FAM193A: variants seen among roughly 807,000 people sequenced by gnomAD.
FAM193A encodes protein FAM193A.
In FAM193A, 22 loss-of-function variants were observed where a neutral mutation model predicts 126.5. The ratio of observed to expected loss-of-function variants is 0.17; its 90% CI spans 0.12 to 0.25. FAM193A has a LOEUF of 0.25. FAM193A is among the 10% of genes least tolerant of loss of function. The pLI, the probability that FAM193A is intolerant of heterozygous loss-of-function variation, is 1.00. For synonymous variants in FAM193A, 761 were observed against 646.8 expected (o/e 1.18, Z -2.68); for missense variants, 1,675 against 1,672.8 (o/e 1.00, Z -0.02).
intron 16 of FAM193A, 29 bp downstream of exon 16, chr4:2,693,903 G>A (rs763062740): frequency 6.3e-7 from 1 of 1,595,538 alleles, no homozygotes; most frequent in Admixed American, 1.7e-5. Context: ...GGGGACGTGG[G>A]AGCACTTTGG....
chr4:2,586,097 G>A lies in FAM193A; in HGVS notation c.256-9987G>A, dbSNP rs1395455889. On this transcript the variant is annotated intron_variant, in intron 1 of 20. Coordinates refer to ENST00000637812, the MANE Select transcript of FAM193A (RefSeq NM_001366318.2). ...CATCTCTACTAAAAAGACAAAATTA[G>A]CCAGGCGTGGTGGTGCATGCCAGTA... Among the ~76,000 whole-genome samples, 3 of 151,852 alleles carry A rather than the reference G, an allele frequency of 2.0e-5. No individual in the cohort carries two copies. In the East Asian group the frequency reaches 5.8e-4, roughly 29 times the overall value.
Position 2,690,822 on chromosome 4 carries a change from T to C in FAM193A, c.2655T>C (p.Cys885=). The C allele has an allele frequency of 6.2e-7, 1 of 1,614,160 alleles. No individual in the cohort carries two copies. Among genetic ancestry groups the C allele is most frequent in the Non-Finnish European group, 8.5e-7 (1 of 1,180,024 alleles). ...KEKKNAAKKK[C]LYNFQDAFME... ...AAAAGAATGCTGCAAAAAAGAAATG[T>C]TTATACAATTTCCAAGATGCTTTCA... The change falls in exon 15 of 21, where the codon TGT becomes TGC. Residue 885 remains cysteine (C), a synonymous_variant. Transcript: ENST00000637812.
At chr4:2,611,489 G>C (rs1014326126) in intron 2 of FAM193A, among the ~76,000 whole-genome samples, 1 of 151,812 alleles carries the variant, frequency 6.6e-6, no homozygotes, top group South Asian at 2.1e-4. Flanking sequence ...GGTCAGTCTG[G>C]TCTTGAACTC....
rs1742967960 is a variant in FAM193A at position 2,626,403 on chromosome 4, C to G, written c.636-7C>G. On this transcript the variant is annotated splice_polypyrimidine_tract_variant and splice_region_variant and intron_variant, in intron 3 of 20. Coordinates refer to ENST00000637812, the MANE Select transcript of FAM193A (RefSeq NM_001366318.2). ...TGACTTTCTAACCTTCCTGTGTTGT[C>G]TCACAGAGAAATTTCGGCAGAGGCG... 3 of 698,604 alleles carry G rather than the reference C, an allele frequency of 4.3e-6. No individual in the cohort carries two copies. Among genetic ancestry groups the G allele is most frequent in the Non-Finnish European group, 2.6e-6 (1 of 381,492 alleles). The allele number at this position is 698,604 out of a possible 1,614,324, so 43.3% of individuals were successfully genotyped here.
chr4:2,558,140 C>T (rs139056714), intron 1 of FAM193A, among the ~76,000 whole-genome samples: 4 of 151,704 alleles, frequency 2.6e-5, no homozygotes, highest in East Asian at 1.9e-4. Flanking sequence ...AGTGTGGTGG[C>T]GCATGCCTGT....
chr4:2,665,902 A>G (rs576825655), intron 12 of FAM193A, among the ~76,000 whole-genome samples: 5 of 152,068 alleles, frequency 3.3e-5, no homozygotes, highest in Non-Finnish European at 5.9e-5. Flanking sequence ...GCTGGTGTGC[A>G]GTGGTGCTAT....
chr4:2,607,300 C>T (rs1741604243), intron 2 of FAM193A, among the ~76,000 whole-genome samples: 1 of 152,220 alleles, frequency 6.6e-6, no homozygotes, highest in South Asian at 2.1e-4. Context: ...ATGCAGCAGC[C>T]ACTAGCATGC....
chr4:2,622,257 C>CAAAAAAAA (rs71178493), intron 2 of FAM193A, among the ~76,000 whole-genome samples: 9 of 55,570 alleles, frequency 1.6e-4, no homozygotes, highest in African/African-American at 5.4e-4. Flanking sequence ...ACCCTGTCTC[C>CAAAAAAAA]AAAAAAAAAA....
At chr4:2,674,304 A>G (rs1401910951) in intron 13 of FAM193A, among the ~76,000 whole-genome samples, 2 of 152,364 alleles carry the variant, frequency 1.3e-5, no homozygotes, top group African/African-American at 4.8e-5. Context: ...TGTTGACCAC[A>G]TCTGTGCCTA....
intron 2 of FAM193A, among the ~76,000 whole-genome samples, chr4:2,599,811 A>C (rs1314470004): frequency 2.7e-5 from 4 of 150,272 alleles, no homozygotes; most frequent in African/African-American, 7.4e-5. Flanking sequence ...ATCTCAGCTC[A>C]CTACAACCTC....
intron 10 of FAM193A, among the ~76,000 whole-genome samples, 193 bp from the exon 11 acceptor site, chr4:2,662,645 A>G (rs1577160479): frequency 6.6e-6 from 1 of 152,174 alleles, no homozygotes; most frequent in Non-Finnish European, 1.5e-5. Context: ...AAATGGCACA[A>G]ATGTTAATCT....
intron 2 of FAM193A, among the ~76,000 whole-genome samples, chr4:2,615,659 C>T (rs1034827519): frequency 2.0e-5 from 3 of 152,014 alleles, no homozygotes; most frequent in South Asian, 4.1e-4. Flanking sequence ...GCTGGGACTA[C>T]AGGCGTGCGC....
chr4:2,545,084 C>A (rs1352836301), intron 1 of FAM193A, among the ~76,000 whole-genome samples: 1 of 152,132 alleles, frequency 6.6e-6, no homozygotes, highest in Non-Finnish European at 1.5e-5. Flanking sequence ...CCTCTGCCTC[C>A]TGGGTTCAAG....
chr4:2,582,344 T>C (rs1739991971), intron 1 of FAM193A, among the ~76,000 whole-genome samples: 1 of 152,138 alleles, frequency 6.6e-6, no homozygotes, highest in African/African-American at 2.4e-5. Context: ...TCTTGCTATG[T>C]TGCCCAGGCT....
intron 1 of FAM193A, among the ~76,000 whole-genome samples, chr4:2,545,438 A>G (rs1226593827): frequency 6.6e-6 from 1 of 151,826 alleles, no homozygotes; most frequent in Non-Finnish European, 1.5e-5. Flanking sequence ...TTAATATTCC[A>G]CAATTCATCT....
Position 2,664,805 on chromosome 4 carries a change from C to T in FAM193A, c.2079+1517C>T, listed in dbSNP as rs534045992. On this transcript the variant is annotated intron_variant, in intron 12 of 20. Coordinates refer to ENST00000637812, the MANE Select transcript of FAM193A (RefSeq NM_001366318.2). ...GTCTCGAACTCCTGACCTTGTGATC[C>T]GCCCGTGTTGGCCTCCCAAAGTCCT... Among the ~76,000 whole-genome samples the T allele has an allele frequency of 1.7e-3, 265 of 152,152 alleles. 1 individual carries two copies. Among genetic ancestry groups the T allele is most frequent in the African/African-American group, 5.8e-3 (240 of 41,522 alleles).
chr4:2,658,853 C>T (rs1712041443), intron 8 of FAM193A, among the ~76,000 whole-genome samples: 1 of 152,154 alleles, frequency 6.6e-6, no homozygotes, highest in Non-Finnish European at 1.5e-5. Flanking sequence ...CGGGTTCAAG[C>T]GGTACTCGTG....
At chr4:2,546,803 A>G (rs563851095) in intron 1 of FAM193A, among the ~76,000 whole-genome samples, 1 of 152,282 alleles carries the variant, frequency 6.6e-6, no homozygotes, top group Admixed American at 6.5e-5. Flanking sequence ...GGAGCTGGTC[A>G]TATGGTAACA....
At chr4:2,711,837 G>T (rs1719012820) in intron 19 of FAM193A, among the ~76,000 whole-genome samples, 1 of 152,032 alleles carries the variant, frequency 6.6e-6, no homozygotes, top group African/African-American at 2.4e-5. Flanking sequence ...TGAGGCAGAA[G>T]AATCGCTTGA....
Sources: gnomAD v4.1 joint callset for allele counts (sites outside exome capture counted in the v4.1 genomes callset) on GRCh38, gnomAD v4.1.1 for gene constraint, MANE v1.5 for transcripts, NCBI Gene and HGNC (gene_info 2026-07-23, HGNC 2026-07-21) for gene names.